The following TBC1D31 variants were observed in gnomAD, a reference collection of about 807,000 sequenced individuals.
The protein encoded by TBC1D31 is WD repeat domain 67.
TBC1D31 carries 99 observed loss-of-function variants against 132.9 expected under a neutral mutation model. The ratio of observed to expected loss-of-function variants is 0.74; its 90% CI spans 0.63 to 0.88. The LOEUF is 0.88. TBC1D31 is among the 40% of genes least tolerant of loss of function. TBC1D31 has a pLI of 0.00. For missense variants in TBC1D31, 1,134 were observed against 1,256.6 expected (o/e 0.90, Z 1.48); for synonymous variants, 385 against 419.4 (o/e 0.92, Z 1.00).
intron 10 of TBC1D31, among the ~76,000 whole-genome samples, chr8:123,111,449 C>G (rs949579831): frequency 2.0e-5 from 3 of 151,974 alleles, no homozygotes; most frequent in Admixed American, 2.0e-4. Flanking sequence ...CCTTGGAGCT[C>G]CCCAGAGCAA....
the TBC1D31 span, among the ~76,000 whole-genome samples, chr8:123,161,943 G>A: frequency 2.7e-5 from 4 of 149,122 alleles, no homozygotes; most frequent in African/African-American, 9.9e-5. Flanking sequence ...GCTTGAACCC[G>A]AGAGGCGGAG....
intron 14 of TBC1D31, 94 bp downstream of exon 14, chr8:123,128,607 T>C (rs1242804437): frequency 5.0e-6 from 5 of 1,005,302 alleles, no homozygotes; most frequent in Non-Finnish European, 7.4e-6. Context: ...CTGAGCGCGG[T>C]GGCTCACGCC....
intron 4 of TBC1D31, among the ~76,000 whole-genome samples, chr8:123,091,178 GA>G (rs1816288648): frequency 6.6e-6 from 1 of 151,978 alleles, no homozygotes; most frequent in Non-Finnish European, 1.5e-5. Flanking sequence ...AAATAATAAT[GA>G]CATGCTTCAT....
At chr8:123,114,300 TTTC>T (rs1818717561) in intron 10 of TBC1D31, among the ~76,000 whole-genome samples, 1 of 149,080 alleles carries the variant, frequency 6.7e-6, no homozygotes, top group African/African-American at 2.5e-5. Flanking sequence ...TTGTTGTTGT[TTTC>T]TGTTTGTTTG....
intron 10 of TBC1D31, among the ~76,000 whole-genome samples, chr8:123,113,126 C>T (rs895003384): frequency 3.9e-5 from 6 of 152,142 alleles, no homozygotes; most frequent in African/African-American, 1.4e-4. Flanking sequence ...AGGTAGAAAA[C>T]ATTTTCTCCT....
chr8:123,087,413 TG>T (rs1316630561), intron 4 of TBC1D31, among the ~76,000 whole-genome samples: 2 of 152,232 alleles, frequency 1.3e-5, no homozygotes, highest in Non-Finnish European at 2.9e-5. Flanking sequence ...AAATTTACTT[TG>T]TAGTCTCCAT....
chr8:123,147,420 C>T (rs1308126834), intron 20 of TBC1D31, among the ~76,000 whole-genome samples: 1 of 152,180 alleles, frequency 6.6e-6, no homozygotes, highest in Non-Finnish European at 1.5e-5. Flanking sequence ...GATCCTCCTG[C>T]GTGGCCCTCC....
chr8:123,127,261 A>ATTTTTTTTTT, intron 13 of TBC1D31, among the ~76,000 whole-genome samples: 1 of 69,924 alleles, frequency 1.4e-5, no homozygotes, highest in Non-Finnish European at 2.5e-5. Context: ...TGCTTTTTGC[A>ATTTTTTTTTT]TTTTTTTTTT....
intron 4 of TBC1D31, 106 bp downstream of exon 4, chr8:123,084,446 C>G (rs905023641): frequency 9.0e-7 from 1 of 1,114,158 alleles, no homozygotes; most frequent in African/African-American, 1.6e-5. Flanking sequence ...GTCCTTGTAG[C>G]TCTGTAACTC....
intron 10 of TBC1D31, 135 bp from the exon 11 acceptor site, chr8:123,119,920 C>T (rs1819310813): frequency 1.5e-6 from 1 of 671,070 alleles, no homozygotes; most frequent in Non-Finnish European, 2.4e-6. Context: ...ACAATGGTTA[C>T]TTCTGGAGAG....
rs868351098 is a variant in TBC1D31, at chr8:123,144,940, T to A, written c.2974+85T>A. On this transcript the variant is annotated intron_variant, in intron 20 of 21. Transcript: ENST00000287380. ...CTATTATTATGATTTTTTTTTTTTT[T>A]TGAGATAGGGTCTTGTTCTGTCACC... 17 of 1,289,422 alleles carry A rather than the reference T, an allele frequency of 1.3e-5. No individual in the cohort carries two copies. In the South Asian group the frequency reaches 2.0e-4, roughly 15 times the overall value. The allele number at this position is 1,289,422 out of a possible 1,614,324, so 79.9% of individuals were successfully genotyped here.
chr8:123,081,884 CAT>C (rs35992039), intron 2 of TBC1D31, among the ~76,000 whole-genome samples: 104,302 of 152,018 alleles, frequency 0.69, 36,022 homozygotes, highest in Non-Finnish European at 0.72. Context: ...CCTCCCACAA[CAT>C]GTGGGAATTA....
intron 13 of TBC1D31, among the ~76,000 whole-genome samples, chr8:123,127,082 C>T (rs1383789223): frequency 6.6e-6 from 1 of 151,780 alleles, no homozygotes; most frequent in Non-Finnish European, 1.5e-5. Context: ...TTATTGAGTC[C>T]CTGTTATATG....
At chr8:123,112,317 A>G (rs548185202) in intron 10 of TBC1D31, among the ~76,000 whole-genome samples, 1 of 152,316 alleles carries the variant, frequency 6.6e-6, no homozygotes, top group Non-Finnish European at 1.5e-5. Flanking sequence ...TTTATAAAAC[A>G]TTTACATGTT....
intron 17 of TBC1D31, among the ~76,000 whole-genome samples, chr8:123,139,484 G>T (rs866005248): frequency 2.6e-5 from 4 of 152,186 alleles, no homozygotes; most frequent in African/African-American, 9.7e-5. Context: ...ATTGAACAGA[G>T]ATTTTAATAT....
the TBC1D31 span, among the ~76,000 whole-genome samples, chr8:123,157,702 C>A: frequency 7.6e-6 from 1 of 131,148 alleles, no homozygotes; most frequent in African/African-American, 3.0e-5. Context: ...TTGGAAAACA[C>A]ACACGGGCGC....
At chr8:123,074,202 A>G (rs1405800306) in intron 1 of TBC1D31, among the ~76,000 whole-genome samples, 1 of 151,562 alleles carries the variant, frequency 6.6e-6, no homozygotes, top group African/African-American at 2.4e-5. Flanking sequence ...AATTTTTTGT[A>G]TTTTTAGTAG....
chr8:123,082,626 C>A, intron 2 of TBC1D31, 76 bp from the exon 3 acceptor site: 1 of 1,042,386 alleles, frequency 9.6e-7, no homozygotes, highest in Admixed American at 2.4e-5. Flanking sequence ...TTTTCTTCGT[C>A]TCTACGGACT....
At chr8:123,136,591 C>T (rs1217846836) in intron 17 of TBC1D31, among the ~76,000 whole-genome samples, 2 of 152,098 alleles carry the variant, frequency 1.3e-5, no homozygotes, top group East Asian at 1.9e-4. Flanking sequence ...GCTGGGATTA[C>T]AGGTGCCCAC....
Sources: allele counts gnomAD v4.1 joint callset (sites outside exome capture counted in the v4.1 genomes callset), GRCh38; gene constraint gnomAD v4.1.1; transcripts MANE v1.5; gene names NCBI Gene and HGNC (gene_info 2026-07-23, HGNC 2026-07-21).